Variants in ADGRA3 observed in about 807,000 individuals in gnomAD.
ADGRA3 encodes G-protein coupled receptor 125.
Under a neutral mutation model 119.8 loss-of-function variants are expected in ADGRA3, and 56 were observed. That is an observed-to-expected ratio of 0.47 (90% CI 0.38 to 0.58). ADGRA3 has a LOEUF of 0.58. Among genes scored for constraint, ADGRA3 ranks in the 20% least tolerant of loss-of-function variants. The pLI, the probability that ADGRA3 is intolerant of heterozygous loss-of-function variation, is 0.00. For synonymous variants in ADGRA3, 607 were observed against 623.8 expected (o/e 0.97, Z 0.40); for missense variants, 1,516 against 1,649.0 (o/e 0.92, Z 1.40).
intron 1 of ADGRA3, among the ~76,000 whole-genome samples, chr4:22,489,678 A>G (rs1271845065): frequency 2.6e-5 from 4 of 152,208 alleles, no homozygotes; most frequent in African/African-American, 9.6e-5. Flanking sequence ...CAAGTTTCCA[A>G]ACAGACATGA....
At chr4:22,415,853 AC>A (rs1372516773) in intron 12 of ADGRA3, among the ~76,000 whole-genome samples, 4 of 152,180 alleles carry the variant, frequency 2.6e-5, no homozygotes, top group Non-Finnish European at 2.9e-5. Flanking sequence ...AAAACAATGT[AC>A]AAAAAACCAG....
intron 1 of ADGRA3, among the ~76,000 whole-genome samples, chr4:22,475,672 A>C (rs1349301626): frequency 6.6e-6 from 1 of 151,846 alleles, no homozygotes; most frequent in Non-Finnish European, 1.5e-5. Context: ...GCTTGCAGTG[A>C]GCCGAGATCG....
Position 22,515,669 on chromosome 4 carries a change from A to C in ADGRA3, c.116T>G (p.Leu39Arg), listed in dbSNP as rs2109197499. Residue 39 changes from leucine to arginine, a missense_variant, in exon 1 of 19, where the codon CTG becomes CGG. By Grantham distance (102) the Leu-to-Arg change is moderately radical. This residue lies in a region of ADGRA3 where 428 missense variants were observed against 541.9 expected (regional missense o/e 0.79). Coordinates refer to ENST00000334304, the MANE Select transcript of ADGRA3 (RefSeq NM_145290.4). ...GGGGGGGAAALPAGCKHDGRP... is the reference protein window; with the variant it reads ...GGGGGGGAAARPAGCKHDGRP... ...CCCATCGTGCTTGCAGCCGGCGGGC[A>C]GCGCCGCGGCGCCGCCGCCGCCGCC... 8.5e-7 allele frequency: 1 copy of C among 1,179,398 alleles called. No individual in the cohort carries two copies. The highest frequency in any genetic ancestry group is 4.2e-5 in the East Asian group (1 of 23,698). 73.1% of individuals were successfully genotyped at this position (1,179,398 alleles called of 1,614,324 possible). A position where few individuals can be genotyped will look rare whatever the true frequency, so the allele number is the denominator to read the frequency against.
chr4:22,460,984 G>A (rs974306918), intron 3 of ADGRA3, among the ~76,000 whole-genome samples: 24 of 152,234 alleles, frequency 1.6e-4, no homozygotes, highest in Non-Finnish European at 2.8e-4. Flanking sequence ...AAGGAGCTTC[G>A]TATAGGAGAT....
chr4:22,436,676 A>G (rs1357708630), intron 8 of ADGRA3, 35 bp from the exon 9 acceptor site: 4 of 1,548,320 alleles, frequency 2.6e-6, no homozygotes, highest in Non-Finnish European at 2.7e-6. Flanking sequence ...AAGAAAATCT[A>G]AATGACACGG....
intron 10 of ADGRA3, among the ~76,000 whole-genome samples, chr4:22,424,836 C>T (rs1448027160): frequency 6.6e-6 from 1 of 152,170 alleles, no homozygotes; most frequent in African/African-American, 2.4e-5. Context: ...CTTTGGGAGG[C>T]CGAGGTGGGT....
At chr4:22,448,731 G>A (rs1360192178) in intron 4 of ADGRA3, among the ~76,000 whole-genome samples, 1 of 152,142 alleles carries the variant, frequency 6.6e-6, no homozygotes, top group Non-Finnish European at 1.5e-5. Context: ...ATGACCTTCA[G>A]CAAGAACAAC....
At chr4:22,455,323 C>T (rs929312706) in intron 3 of ADGRA3, among the ~76,000 whole-genome samples, 2 of 152,126 alleles carry the variant, frequency 1.3e-5, no homozygotes, top group Non-Finnish European at 2.9e-5. Flanking sequence ...AGCCCAAACT[C>T]AGCCAGTAAA....
chr4:22,389,901 A>C (rs935467605), intron 17 of ADGRA3, among the ~76,000 whole-genome samples: 2 of 152,062 alleles, frequency 1.3e-5, no homozygotes, highest in Admixed American at 6.6e-5. Context: ...TCAGAATCTT[A>C]ATTTTGCGTT....
At chr4:22,444,343 T>C (rs1716746743) in intron 6 of ADGRA3, among the ~76,000 whole-genome samples, 4 of 152,086 alleles carry the variant, frequency 2.6e-5, no homozygotes, top group Admixed American at 2.6e-4. Context: ...TGTAGTGCAA[T>C]GGCACGATCT....
At position 22,388,922 on chromosome 4, in the gene ADGRA3, A is replaced by G. The variant is rs1713976054; in HGVS notation, c.2749T>C (p.Leu917=). 6.8e-6 allele frequency: 11 copies of G among 1,613,980 alleles called. No individual in the cohort carries two copies. The highest frequency in any genetic ancestry group is 1.7e-4 in the Middle Eastern group (1 of 6,058). Residue 917 remains leucine (L), a synonymous_variant, in exon 19 of 19, where the codon TTG becomes CTG. Coordinates refer to ENST00000334304, the MANE Select transcript of ADGRA3 (RefSeq NM_145290.4). ...PYCWMAWEPS[L]GAFYGPASFI... is the part of the protein sequence containing the mutation. ...CTGGCTGGCCCATAGAAGGCTCCCA[A>G]GGAGGGTTCCCATGCCATCCAGCAA...
In ADGRA3 at chr4:22,387,485, G is replaced by T; in HGVS notation, c.*220C>A. 1 of 454,290 alleles carries T rather than the reference G, an allele frequency of 2.2e-6. No homozygotes were observed. The highest frequency in any genetic ancestry group is 3.9e-6 in the Non-Finnish European group (1 of 256,868). 28.1% of individuals were successfully genotyped at this position (454,290 alleles called of 1,614,324 possible). ...TCACATCCCAAAATGTCCTGTTGGTGCTTTGACAACTAAAACAATGTTTTA... is the reference window on the plus strand; with the variant it reads ...TCACATCCCAAAATGTCCTGTTGGTTCTTTGACAACTAAAACAATGTTTTA... On this transcript the variant is annotated 3_prime_UTR_variant, in exon 19 of 19. Transcript: ENST00000334304.
At chr4:22,409,754 AC>A (rs1715112082) in intron 14 of ADGRA3, among the ~76,000 whole-genome samples, 3 of 152,216 alleles carry the variant, frequency 2.0e-5, no homozygotes, top group Non-Finnish European at 2.9e-5. Flanking sequence ...ACGGTTTAGA[AC>A]AGTGTGTGTA....
chr4:22,443,079 CA>C (rs749958128), intron 6 of ADGRA3: 2 of 684,232 alleles, frequency 2.9e-6, no homozygotes, highest in Admixed American at 2.3e-5. Context: ...CCAGTTCTGA[CA>C]TTTAGAGTTA....
chr4:22,475,830 T>C (rs573987539), intron 1 of ADGRA3, among the ~76,000 whole-genome samples: 1 of 152,122 alleles, frequency 6.6e-6, no homozygotes, highest in South Asian at 2.1e-4. Flanking sequence ...GTGCAGTGTA[T>C]ACTGCTCGGG....
intron 5 of ADGRA3, 35 bp downstream of exon 5, chr4:22,447,405 C>CA (rs201205176): frequency 0.028 from 27,067 of 960,736 alleles, 306 homozygotes; most frequent in African/African-American, 0.13. Context: ...ACATGAAAAT[C>CA]AAAAAAAAAA....
At position 22,488,490 on chromosome 4, in the gene ADGRA3, G is replaced by C. The variant is rs77303993; in HGVS notation, c.258-14647C>G. On this transcript the variant is annotated intron_variant, in intron 1 of 18. Coordinates refer to ENST00000334304, the MANE Select transcript of ADGRA3 (RefSeq NM_145290.4). ...TACAGCACCAGGCTTCAGGGGGCTG[G>C]GACCACCCCTGAGCCTCGTACAATT... Among the ~76,000 whole-genome samples the C allele has an allele frequency of 9.1e-3, 1,378 of 152,264 alleles. 38 individuals are homozygous for C. Among genetic ancestry groups the C allele is most frequent in the East Asian group, 0.05 (257 of 5,170 alleles).
At chr4:22,496,524 T>C (rs945327870) in intron 1 of ADGRA3, among the ~76,000 whole-genome samples, 3 of 152,360 alleles carry the variant, frequency 2.0e-5, no homozygotes, top group Admixed American at 2.0e-4. Context: ...ACCAGCATTT[T>C]TCCTCAATAC....
At chr4:22,425,455 T>C (rs538112930) in intron 10 of ADGRA3, among the ~76,000 whole-genome samples, 1 of 152,122 alleles carries the variant, frequency 6.6e-6, no homozygotes, top group Non-Finnish European at 1.5e-5. Context: ...CTGAGAGAAA[T>C]AAATTGAACC....
Sources: allele counts gnomAD v4.1 joint callset (sites outside exome capture counted in the v4.1 genomes callset), GRCh38; gene constraint gnomAD v4.1.1; regional missense constraint gnomAD v4.1.1; transcripts MANE v1.5; gene names NCBI Gene and HGNC (gene_info 2026-07-23, HGNC 2026-07-21).